BCAR3: variants seen among roughly 807,000 people sequenced by gnomAD.
BCAR3 encodes breast cancer anti-estrogen resistance protein 3.
A neutral mutation model predicts 80.1 loss-of-function variants in BCAR3; 37 were observed. The observed-to-expected ratio is 0.46, with a 90% CI of 0.36 to 0.61. The LOEUF is 0.61. BCAR3 is among the 20% of genes least tolerant of loss of function. The pLI is 0.00. For missense variants in BCAR3, 978 were observed against 1,068.2 expected, an observed-to-expected ratio of 0.92 and a Z score of 1.18; for synonymous variants, 389 against 418.9, an observed-to-expected ratio of 0.93 and a Z score of 0.87.
chr1:93,603,230 G>A (rs1674675931), intron 3 of BCAR3, among the ~76,000 whole-genome samples: 1 of 152,236 alleles, frequency 6.6e-6, no homozygotes, highest in Non-Finnish European at 1.5e-5. Flanking sequence ...GGGCAATTGG[G>A]CATCTTTGCC....
At chr1:93,816,670 C>CAAAAAAAAAAAAAAAAAAAAAAA in intron 2 of BCAR3, among the ~76,000 whole-genome samples, 1 of 53,874 alleles carries the variant, frequency 1.9e-5, no homozygotes, top group Non-Finnish European at 3.4e-5. Context: ...GACTCCATCT[C>CAAAAAAAAAAAAAAAAAAAAAAA]AAAAAAAAAA....
At chr1:93,573,194 G>A (rs1054640635) in intron 8 of BCAR3, among the ~76,000 whole-genome samples, 1 of 152,088 alleles carries the variant, frequency 6.6e-6, no homozygotes, top group Non-Finnish European at 1.5e-5. Context: ...CCAGGAGTTT[G>A]AGACCAGCCT....
chr1:93,680,094 T>C (rs923464944), intron 1 of BCAR3, among the ~76,000 whole-genome samples: 12 of 152,232 alleles, frequency 7.9e-5, no homozygotes, highest in African/African-American at 2.9e-4. Context: ...GTTTAGGAAT[T>C]AAGAGTATCT....
chr1:93,625,301 T>C (rs1164428399), intron 3 of BCAR3, among the ~76,000 whole-genome samples: 2 of 152,166 alleles, frequency 1.3e-5, no homozygotes, highest in Non-Finnish European at 2.9e-5. Context: ...AATTCCCAAC[T>C]CACACTACCT....
At chr1:93,712,175 T>C (rs1410791657) in intron 2 of BCAR3, among the ~76,000 whole-genome samples, 1 of 152,216 alleles carries the variant, frequency 6.6e-6, no homozygotes, top group African/African-American at 2.4e-5. Flanking sequence ...TGAATAAATG[T>C]TATCCTCTTC....
intron 2 of BCAR3, among the ~76,000 whole-genome samples, chr1:93,835,982 C>T (rs1272014416): frequency 6.6e-6 from 1 of 152,172 alleles, no homozygotes; most frequent in Non-Finnish European, 1.5e-5. Flanking sequence ...CCCAGTTTCT[C>T]AGGCTCTTGG....
intron 3 of BCAR3, among the ~76,000 whole-genome samples, chr1:93,618,857 T>C (rs1675217513): frequency 6.6e-6 from 1 of 151,830 alleles, no homozygotes; most frequent in Non-Finnish European, 1.5e-5. Flanking sequence ...TTAGAACTTG[T>C]CCAATCCGCT....
At chr1:93,789,740 C>T (rs545260421) in intron 2 of BCAR3, among the ~76,000 whole-genome samples, 20 of 152,304 alleles carry the variant, frequency 1.3e-4, no homozygotes, top group Non-Finnish European at 2.8e-4. Flanking sequence ...GCAGAGGCTC[C>T]TATTTTTCCT....
At chr1:93,774,344 C>T (rs896966904) in intron 2 of BCAR3, among the ~76,000 whole-genome samples, 16 of 151,906 alleles carry the variant, frequency 1.1e-4, no homozygotes, top group African/African-American at 3.4e-4. Flanking sequence ...ATTAGCCGGG[C>T]GTGGTGGCGT....
chr1:93,823,327 G>C lies in BCAR3; in HGVS notation c.-63+22240C>G, dbSNP rs1654287693. ...ATTCTCAATCTAAACCATTAAAGCA[G>C]GAAGTCCCATGGTGACATTAGCATG... On this transcript the variant is annotated intron_variant, in intron 2 of 13. Transcript: ENST00000370244. 1.5e-5 allele frequency among the ~76,000 whole-genome samples: 2 copies of C among 133,416 alleles called. 1 individual carries two copies. Among genetic ancestry groups the C allele is most frequent in the Non-Finnish European group, 3.4e-5 (2 of 59,128 alleles). 87.5% of individuals were successfully genotyped at this position (133,416 alleles called of 152,430 possible). A position where few individuals can be genotyped will look rare whatever the true frequency, so the allele number is the denominator to read the frequency against.
chr1:93,828,082 T>A (rs536855886), intron 2 of BCAR3, among the ~76,000 whole-genome samples: 1 of 152,248 alleles, frequency 6.6e-6, no homozygotes, highest in South Asian at 2.1e-4. Context: ...CAGTGAGCTA[T>A]GATTGCACCA....
chr1:93,745,829 C>A (rs1651338942), intron 2 of BCAR3, among the ~76,000 whole-genome samples: 1 of 152,166 alleles, frequency 6.6e-6, no homozygotes, highest in Admixed American at 6.5e-5. Flanking sequence ...CACTTGAGAC[C>A]AGGAGTTCAA....
chr1:93,802,742 T>C (rs537906110), intron 2 of BCAR3, among the ~76,000 whole-genome samples: 22 of 152,238 alleles, frequency 1.4e-4, no homozygotes, highest in East Asian at 9.6e-4. Context: ...TTCAGACAAT[T>C]TTTGCAGTAG....
upstream of BCAR3, chr1:93,681,893 A>C (rs1042030377): frequency 1.3e-5 from 2 of 151,442 alleles, no homozygotes; most frequent in Non-Finnish European, 2.9e-5. Flanking sequence ...CCGCGGCCCC[A>C]CCCCGGCGAG....
intron 2 of BCAR3, among the ~76,000 whole-genome samples, chr1:93,718,152 T>A (rs1486367943): frequency 1.3e-5 from 2 of 152,196 alleles, no homozygotes; most frequent in Admixed American, 1.3e-4. Context: ...GTAGCAGATG[T>A]TGAATTCCAA....
chr1:93,711,502 T>C (rs1378989016), intron 2 of BCAR3, among the ~76,000 whole-genome samples: 1 of 152,102 alleles, frequency 6.6e-6, no homozygotes, highest in Non-Finnish European at 1.5e-5. Context: ...TTGGAAGAGG[T>C]ACAATGTCAC....
chr1:93,625,882 C>A (rs969358997), intron 3 of BCAR3, among the ~76,000 whole-genome samples: 4 of 152,184 alleles, frequency 2.6e-5, no homozygotes, highest in Non-Finnish European at 5.9e-5. Context: ...CAGGAGAATG[C>A]GCACTTCCAG....
At chr1:93,605,025 A>T (rs1165437722) in intron 3 of BCAR3, among the ~76,000 whole-genome samples, 2 of 152,210 alleles carry the variant, frequency 1.3e-5, no homozygotes, top group African/African-American at 4.8e-5. Context: ...TCGTTAATAG[A>T]TAAACCGAAA....
chr1:93,741,693 C>T (rs150481441), intron 2 of BCAR3, among the ~76,000 whole-genome samples: 1,705 of 152,164 alleles, frequency 0.011, 16 homozygotes, highest in South Asian at 0.025. Context: ...CTCAGCCTCT[C>T]GAGTAGCTGG....
Sources: allele counts gnomAD v4.1 joint callset (sites outside exome capture counted in the v4.1 genomes callset), GRCh38; gene constraint gnomAD v4.1.1; transcripts MANE v1.5; gene names NCBI Gene and HGNC (gene_info 2026-07-23, HGNC 2026-07-21).